Variants in IFI16 observed in about 807,000 individuals in gnomAD.
IFI16 encodes the protein gamma-interferon-inducible protein 16.
In IFI16, 49 loss-of-function variants were observed where a neutral mutation model predicts 68.4. That is an observed-to-expected ratio of 0.72 (90% CI 0.57 to 0.91). IFI16 has a LOEUF of 0.91. IFI16 is among the 40% of genes least tolerant of loss of function. IFI16 has a pLI of 0.00. For synonymous variants in IFI16, 307 were observed against 315.0 expected, an observed-to-expected ratio of 0.97 and a Z score of 0.27; for missense variants, 878 against 942.9, an observed-to-expected ratio of 0.93 and a Z score of 0.90.
chr1:159,028,593 T>A (rs1022385727), intron 6 of IFI16, among the ~76,000 whole-genome samples: 3 of 152,220 alleles, frequency 2.0e-5, no homozygotes, highest in African/African-American at 7.2e-5. Context: ...CTTGTTGGAC[T>A]GTCTAGTGCT....
chr1:159,042,606 T>C (rs1057439064), intron 7 of IFI16, among the ~76,000 whole-genome samples: 1 of 152,174 alleles, frequency 6.6e-6, no homozygotes, highest in African/African-American at 2.4e-5. Context: ...CTTGAGCAAG[T>C]TCTCACTAAT....
intron 6 of IFI16, among the ~76,000 whole-genome samples, chr1:159,023,249 G>A (rs1022122589): frequency 6.6e-6 from 1 of 152,242 alleles, no homozygotes; most frequent in South Asian, 2.1e-4. Flanking sequence ...ATCAGGGGCA[G>A]TATTAGGAAT....
upstream of IFI16, among the ~76,000 whole-genome samples, chr1:159,001,457 G>A (rs547474262): frequency 1.3e-5 from 2 of 152,260 alleles, no homozygotes; most frequent in South Asian, 4.1e-4. Flanking sequence ...GTGATAGCTA[G>A]AGAAACCCTA....
Position 159,053,539 on chromosome 1 carries a change from G to A in IFI16, c.2092G>A (p.Val698Ile), listed in dbSNP as rs1655486338. 3.8e-6 allele frequency: 6 copies of A among 1,594,136 alleles called. No homozygotes were observed. The highest frequency in any genetic ancestry group is 1.1e-5 in the South Asian group (1 of 89,120). The change falls in exon 11 of 12, where the codon GTA (valine) becomes ATA (isoleucine). Residue 698 changes from valine to isoleucine, a missense_variant. By Grantham distance (29) the Val-to-Ile change is conservative. This residue lies in a region of IFI16 where 311 missense variants were observed against 305.1 expected (regional missense o/e 1.02). Transcript: ENST00000295809. Reference protein sequence around the residue: ...NGVFEVHKKNVRGEFTYYEIQ... With the variant: ...NGVFEVHKKNIRGEFTYYEIQ... Reference sequence around the variant, plus strand: ...TGTTAATTTTCTTTTGCAGAAAAATGTAAGGGGTGAATTCACTTATTATGA... The same window carrying A: ...TGTTAATTTTCTTTTGCAGAAAAATATAAGGGGTGAATTCACTTATTATGA...
chr1:159,002,542 A>C (rs551551460), upstream of IFI16, among the ~76,000 whole-genome samples: 21 of 150,624 alleles, frequency 1.4e-4, no homozygotes, highest in South Asian at 4.7e-3. Flanking sequence ...AAATAGCACG[A>C]TACCGTTACT....
chr1:159,053,154 C>G (rs1655462764), intron 10 of IFI16: 1 of 159,140 alleles, frequency 6.3e-6, no homozygotes, highest in African/African-American at 2.4e-5. Flanking sequence ...TTACAAAGTG[C>G]CATAAAAAGC....
intron 6 of IFI16, among the ~76,000 whole-genome samples, chr1:159,025,731 C>T (rs1332336653): frequency 6.6e-6 from 1 of 152,146 alleles, no homozygotes; most frequent in South Asian, 2.1e-4. Flanking sequence ...GGTTCTTAGT[C>T]CTGAAGTCTC....
intron 9 of IFI16, among the ~76,000 whole-genome samples, chr1:159,051,053 ATTTT>A: frequency 6.6e-6 from 1 of 151,966 alleles, no homozygotes; most frequent in East Asian, 1.9e-4. Context: ...TTTTTTCTCT[ATTTT>A]TATTTTATTT....
rs1460345357 is a variant in IFI16 at position 159,045,381 on chromosome 1, A to G, written c.1414A>G (p.Met472Val). 3.2e-6 allele frequency: 5 copies of G among 1,586,872 alleles called. No homozygotes were observed. Among genetic ancestry groups the G allele is most frequent in the Admixed American group, 1.7e-5 (1 of 58,476 alleles). ...AGGGAGTCATTTTCCAGGACCGTTC[A>G]TGACCAGCATAGGCCCAGCTGAGAG... is the stretch of plus-strand genomic sequence containing the variant. ...KEGSHFPGPFMTSIGPAESHP... is the reference protein window; with the variant it reads ...KEGSHFPGPFVTSIGPAESHP... The change falls in exon 8 of 12, where the codon ATG (methionine) becomes GTG (valine). Residue 472 changes from methionine to valine, a missense_variant. By Grantham distance (21) the Met-to-Val change is conservative. Around this residue, in one of 4 missense-constraint regions of IFI16, gnomAD observed 59 missense variants for 119.0 expected, o/e 0.50. Transcript: ENST00000295809.
Position 159,045,540 on chromosome 1 carries a change from C to T in IFI16, c.1497+76C>T. 3 of 1,549,468 alleles carry T rather than the reference C, an allele frequency of 1.9e-6. 1 individual carries two copies. Among genetic ancestry groups the T allele is most frequent in the Non-Finnish European group, 2.6e-6 (3 of 1,133,712 alleles). ...AGGATTAACACAACCTTGAAAGCACCTCACCAATCCCCTACTACATACAAT... is the reference window on the plus strand; with the variant it reads ...AGGATTAACACAACCTTGAAAGCACTTCACCAATCCCCTACTACATACAAT... On this transcript the variant is annotated intron_variant, in intron 8 of 11. Transcript: ENST00000295809.
chr1:159,016,049 C>A lies in IFI16; in HGVS notation c.381+62C>A. On this transcript the variant is annotated intron_variant, in intron 3 of 11. Transcript: ENST00000295809. ...CAGAGGAAGCTCTGCTACGGCTCTTCCACTCAATCTCTCCAGCAGGCAGTT... is the reference window on the plus strand; with the variant it reads ...CAGAGGAAGCTCTGCTACGGCTCTTACACTCAATCTCTCCAGCAGGCAGTT... The A allele has an allele frequency of 7.0e-6, 7 of 1,006,310 alleles. No homozygotes were observed. The East Asian group carries it at 1.7e-4, about 24-fold the overall frequency. 62.3% of individuals were successfully genotyped at this position (1,006,310 alleles called of 1,614,324 possible). A position where few individuals can be genotyped will look rare whatever the true frequency, so the allele number is the denominator to read the frequency against.
chr1:159,050,359 C>CA (rs1485691468), intron 9 of IFI16, among the ~76,000 whole-genome samples: 2 of 152,172 alleles, frequency 1.3e-5, no homozygotes, highest in Non-Finnish European at 2.9e-5. Flanking sequence ...TCATTGCCCT[C>CA]AGAGTAGCTT....
At chr1:159,031,688 G>A (rs996521742) in intron 6 of IFI16, among the ~76,000 whole-genome samples, 1 of 152,122 alleles carries the variant, frequency 6.6e-6, no homozygotes, top group African/African-American at 2.4e-5. Flanking sequence ...CAGTTTTTCT[G>A]CTGTCTCCTG....
At chr1:159,021,516 G>T (rs958536447) in intron 6 of IFI16, among the ~76,000 whole-genome samples, 1 of 152,172 alleles carries the variant, frequency 6.6e-6, no homozygotes, top group Non-Finnish European at 1.5e-5. Context: ...GGGCATCTGG[G>T]CTGGTTCCAT....
At chr1:159,008,375 G>A (rs1652344036), upstream of IFI16, among the ~76,000 whole-genome samples, 1 of 152,086 alleles carries the variant, frequency 6.6e-6, no homozygotes, top group African/African-American at 2.4e-5. Context: ...CACAAAGTGG[G>A]GGAAAATGCA....
intron 5 of IFI16, 143 bp from the exon 6 acceptor site, chr1:159,020,198 A>G (rs1480258252): frequency 4.1e-5 from 24 of 578,382 alleles, no homozygotes; most frequent in Non-Finnish European, 6.7e-5. Context: ...GCTTTCTGCA[A>G]AGATGTGGCC....
chr1:159,027,577 T>C (rs193083379), intron 6 of IFI16, among the ~76,000 whole-genome samples: 1 of 148,110 alleles, frequency 6.8e-6, no homozygotes, highest in South Asian at 2.1e-4. Context: ...TCTTTCTCTA[T>C]CTTGTGAAAT....
chr1:159,021,710 A>G (rs1048209646), intron 6 of IFI16, among the ~76,000 whole-genome samples: 3 of 152,180 alleles, frequency 2.0e-5, no homozygotes, highest in African/African-American at 7.2e-5. Flanking sequence ...ACTAGTTTAC[A>G]TTCCCACCAG....
intron 1 of IFI16, 63 bp from the exon 2 acceptor site, chr1:159,014,598 G>T (rs1322792559): frequency 2.8e-6 from 3 of 1,089,584 alleles, no homozygotes; most frequent in Non-Finnish European, 4.0e-6. Flanking sequence ...ACTCACATAG[G>T]CATACATCTT....
Sources: gnomAD v4.1 joint callset for allele counts (sites outside exome capture counted in the v4.1 genomes callset) on GRCh38, gnomAD v4.1.1 for gene constraint, gnomAD v4.1.1 regional missense constraint, MANE v1.5 for transcripts, NCBI Gene and HGNC (gene_info 2026-07-23, HGNC 2026-07-21) for gene names.